Variants in TFRC observed in about 807,000 individuals in gnomAD.
TFRC encodes transferrin receptor.
A neutral mutation model predicts 85.8 loss-of-function variants in TFRC; 35 were observed. The observed-to-expected ratio is 0.41, with a 90% confidence interval of 0.31 to 0.54. The LOEUF is 0.54. Among genes scored for constraint, TFRC ranks in the 20% least tolerant of loss-of-function variants. The probability of loss-of-function intolerance (pLI) is 0.31; values close to 1 mark genes in which losing one functional copy is unlikely to be tolerated. For missense variants in TFRC, 828 were observed against 921.5 expected (o/e 0.90, Z 1.31); for synonymous variants, 362 against 328.6 (o/e 1.10, Z -1.10).
At chr3:196,057,431 G>A (rs761379917) in intron 16 of TFRC, among the ~76,000 whole-genome samples, 2 of 152,226 alleles carry the variant, frequency 1.3e-5, no homozygotes, top group Admixed American at 6.5e-5. Flanking sequence ...CTCACTCGGG[G>A]AGCTCAGTTT....
At chr3:196,059,269 G>A (rs1404796847) in intron 14 of TFRC, among the ~76,000 whole-genome samples, 21 of 152,158 alleles carry the variant, frequency 1.4e-4, no homozygotes, top group Non-Finnish European at 1.5e-5. Context: ...AGCCAAGATC[G>A]CACCATTGCA....
intron 11 of TFRC, among the ~76,000 whole-genome samples, 199 bp downstream of exon 11, chr3:196,064,110 T>C (rs1717512290): frequency 1.3e-5 from 2 of 152,190 alleles, no homozygotes; most frequent in African/African-American, 2.4e-5. Context: ...TGGTGATTTC[T>C]AGCACAGTTA....
intron 16 of TFRC, among the ~76,000 whole-genome samples, chr3:196,057,423 C>T (rs1716890695): frequency 6.6e-6 from 1 of 152,120 alleles, no homozygotes; most frequent in Non-Finnish European, 1.5e-5. Context: ...AGGAATTGCT[C>T]ACTCGGGGAG....
chr3:196,059,694 T>C (rs1358690295), intron 14 of TFRC, among the ~76,000 whole-genome samples: 10 of 152,168 alleles, frequency 6.6e-5, no homozygotes, highest in African/African-American at 2.4e-4. Flanking sequence ...ACATGTGCCA[T>C]GCTGGTGCAC....
rs1011217415 is a variant in TFRC, at chr3:196,052,094, C to T, written c.2131G>A (p.Ala711Thr). 1.2e-6 allele frequency: 2 copies of T among 1,614,122 alleles called. No individual in the cohort carries two copies. Among genetic ancestry groups the T allele is most frequent in the Admixed American group, 1.7e-5 (1 of 60,010 alleles). Residue 711 changes from alanine to threonine, a missense_variant, in exon 19 of 19, where the codon GCT becomes ACT. Coordinates refer to ENST00000360110, the MANE Select transcript of TFRC (RefSeq NM_001128148.3). ...FWGSGSHTLPALLENLKLRKQ... is the reference protein window; with the variant it reads ...FWGSGSHTLPTLLENLKLRKQ... ...CGCAGTTTCAAGTTCTCCAGTAAAG[C>T]TGGCAGCGTGTGAGAGCCGGAGCCC...
intron 5 of TFRC, 32 bp downstream of exon 5, chr3:196,071,971 T>C (rs770344871): frequency 7.5e-6 from 12 of 1,595,580 alleles, no homozygotes; most frequent in Non-Finnish European, 1.0e-5. Flanking sequence ...TAGCTACTTG[T>C]ATAAAAATAA....
At chr3:196,053,145 T>C (rs1426632214) in intron 18 of TFRC, among the ~76,000 whole-genome samples, 1 of 152,068 alleles carries the variant, frequency 6.6e-6, no homozygotes, top group Non-Finnish European at 1.5e-5. Context: ...TAAAGGAAAC[T>C]GATTCATTTT....
At chr3:196,067,910 C>T in intron 8 of TFRC, 122 bp downstream of exon 8, 2 of 817,324 alleles carry the variant, frequency 2.4e-6, no homozygotes, top group Non-Finnish European at 3.8e-6. Context: ...TTCTTGCTTA[C>T]TGCTAACGCC....
In TFRC at chr3:196,049,663, C is replaced by G. The variant is rs1198437505; in HGVS notation, c.*2279G>C. On this transcript the variant is annotated 3_prime_UTR_variant, in exon 19 of 19. Transcript: ENST00000360110. ...GAGACTCACTGCTGCAAAATGCATG[C>G]CCTGTATTCATATTGTGTTATACGA... 4.4e-6 allele frequency: 1 copy of G among 228,546 alleles called. No homozygotes were observed. The highest frequency in any genetic ancestry group is 6.2e-5 in the East Asian group (1 of 16,004). The allele number at this position is 228,546 out of a possible 1,614,324, so 14.2% of individuals were successfully genotyped here.
At chr3:196,071,967 C>A (rs777000113) in intron 5 of TFRC, 36 bp downstream of exon 5, 10 of 1,593,726 alleles carry the variant, frequency 6.3e-6, no homozygotes, top group Non-Finnish European at 8.5e-6. Context: ...AAAATAGCTA[C>A]TTGTATAAAA....
chr3:196,073,846 C>G (rs1305116007), intron 4 of TFRC, 84 bp downstream of exon 4: 5 of 1,374,786 alleles, frequency 3.6e-6, no homozygotes, highest in Non-Finnish European at 4.9e-6. Context: ...CCATTCCCCA[C>G]AGTGTCACCA....
chr3:196,064,542 G>C lies in TFRC; in HGVS notation c.1199-114C>G, dbSNP rs940251382. ...CACAGTATATGTATTAAGGATAAAAGAGCCTTACTTCAAATCTGACTAAAA... is the reference window on the plus strand; with the variant it reads ...CACAGTATATGTATTAAGGATAAAACAGCCTTACTTCAAATCTGACTAAAA... On this transcript the variant is annotated intron_variant, in intron 10 of 18. Transcript: ENST00000360110. 21 of 917,280 alleles carry C rather than the reference G, an allele frequency of 2.3e-5. No individual in the cohort carries two copies. In the African/African-American group the frequency reaches 3.1e-4, roughly 14 times the overall value. The allele number at this position is 917,280 out of a possible 1,614,324, so 56.8% of individuals were successfully genotyped here.
chr3:196,073,301 A>AG (rs1371286978), intron 4 of TFRC, among the ~76,000 whole-genome samples: 2 of 151,752 alleles, frequency 1.3e-5, no homozygotes, highest in African/African-American at 4.8e-5. Context: ...AAAAAAAAAA[A>AG]AAAAAAAATT....
intron 1 of TFRC, among the ~76,000 whole-genome samples, chr3:196,080,691 C>T (rs1244465038): frequency 6.6e-6 from 1 of 152,216 alleles, no homozygotes; most frequent in Non-Finnish European, 1.5e-5. Flanking sequence ...TCAACACAGG[C>T]TAGGTTTACA....
At chr3:196,058,787 C>T in intron 14 of TFRC, 155 bp from the exon 15 acceptor site, 1 of 450,094 alleles carries the variant, frequency 2.2e-6, no homozygotes, top group Non-Finnish European at 3.9e-6. Flanking sequence ...ACAATCTCAA[C>T]TTTAAGTTAT....
intron 14 of TFRC, among the ~76,000 whole-genome samples, chr3:196,059,509 G>C (rs1253485543): frequency 5.9e-5 from 9 of 152,012 alleles, no homozygotes; most frequent in East Asian, 3.8e-4. Flanking sequence ...GTATCTCTTG[G>C]ATCAAGGCCA....
At chr3:196,081,576 G>A (rs1328778746) in intron 1 of TFRC, among the ~76,000 whole-genome samples, 1 of 152,298 alleles carries the variant, frequency 6.6e-6, no homozygotes, top group African/African-American at 2.4e-5. Flanking sequence ...GCCGCACGCC[G>A]CGCAGCTGCA....
At chr3:196,071,740 C>T (rs1255077100) in intron 5 of TFRC, among the ~76,000 whole-genome samples, 6 of 152,164 alleles carry the variant, frequency 3.9e-5, no homozygotes, top group African/African-American at 7.2e-5. Context: ...CCCACCTCTA[C>T]TAAAAATACA....
At chr3:196,067,726 T>C in intron 8 of TFRC, 69 bp from the exon 9 acceptor site, 1 of 1,568,316 alleles carries the variant, frequency 6.4e-7, no homozygotes, top group Non-Finnish European at 8.7e-7. Flanking sequence ...GATTCAGGTT[T>C]GGTATAAGGC....
Sources: gnomAD v4.1 joint callset for allele counts (sites outside exome capture counted in the v4.1 genomes callset) on GRCh38, gnomAD v4.1.1 for gene constraint, MANE v1.5 for transcripts, NCBI Gene and HGNC (gene_info 2026-07-23, HGNC 2026-07-21) for gene names.